Variants in OR1B1 observed in about 807,000 individuals in gnomAD.
OR1B1 encodes olfactory receptor family 1 subfamily B member 1, also known as olfactory receptor 1B1.
For synonymous variants in OR1B1, 168 were observed against 156.2 expected (o/e 1.08, Z -0.57); for missense variants, 414 against 402.1 (o/e 1.03, Z -0.25).
At chr9:122,642,152 G>A in the OR1B1 span, among the ~76,000 whole-genome samples, 1 of 152,048 alleles carries the variant, frequency 6.6e-6, no homozygotes, top group African/African-American at 2.4e-5. Context: ...GGAACAGAAA[G>A]GAGAAAGGAT....
chr9:122,657,213 A>G, the OR1B1 span, among the ~76,000 whole-genome samples: 2 of 151,774 alleles, frequency 1.3e-5, no homozygotes, highest in Admixed American at 1.3e-4. Flanking sequence ...AATAATAAAA[A>G]TACAAATAAT....
chr9:122,637,756 T>C, the OR1B1 span, among the ~76,000 whole-genome samples: 1 of 152,200 alleles, frequency 6.6e-6, no homozygotes, highest in Non-Finnish European at 1.5e-5. Context: ...GAGAATTTAA[T>C]CTCTGTGAGG....
chr9:122,637,019 T>C, the OR1B1 span: 1 of 152,362 alleles, frequency 6.6e-6, no homozygotes, highest in Non-Finnish European at 1.5e-5. Flanking sequence ...TTGAAAAGTC[T>C]CATTTTTAGG....
the OR1B1 span, among the ~76,000 whole-genome samples, chr9:122,636,401 G>A: frequency 3.4e-3 from 514 of 152,342 alleles, 4 homozygotes; most frequent in Middle Eastern, 0.01. Flanking sequence ...GATCACCTGA[G>A]GTCAGGAGTT....
chr9:122,630,941 C>T (rs1298199588), upstream of OR1B1, among the ~76,000 whole-genome samples: 1 of 152,064 alleles, frequency 6.6e-6, no homozygotes, highest in Admixed American at 6.5e-5. Context: ...CTCCTGATCT[C>T]GTGATCCAAC....
At chr9:122,630,654 C>A (rs536849436), upstream of OR1B1, among the ~76,000 whole-genome samples, 5 of 152,182 alleles carry the variant, frequency 3.3e-5, no homozygotes, top group South Asian at 4.1e-4. Context: ...ATTATTAGTA[C>A]CTAACTTCTC....
At chr9:122,645,577 T>C in the OR1B1 span, among the ~76,000 whole-genome samples, 1 of 152,160 alleles carries the variant, frequency 6.6e-6, no homozygotes, top group Non-Finnish European at 1.5e-5. Context: ...CCAATGCAAC[T>C]GGCAGAAGAC....
chr9:122,643,857 G>A, the OR1B1 span, among the ~76,000 whole-genome samples: 1 of 152,166 alleles, frequency 6.6e-6, no homozygotes, highest in Non-Finnish European at 1.5e-5. Flanking sequence ...CATATCCTTG[G>A]CCAAAAGGGA....
chr9:122,650,814 G>A, the OR1B1 span, among the ~76,000 whole-genome samples: 12 of 152,174 alleles, frequency 7.9e-5, no homozygotes, highest in South Asian at 1.7e-3. Flanking sequence ...ACGAGGTCAG[G>A]AGATCGAGAC....
upstream of OR1B1, among the ~76,000 whole-genome samples, chr9:122,632,280 A>T (rs1830210261): frequency 6.6e-6 from 1 of 151,970 alleles, no homozygotes. Flanking sequence ...AATAAAGATT[A>T]TAAGAAAGAA....
chr9:122,641,403 T>C, the OR1B1 span, among the ~76,000 whole-genome samples: 3 of 152,138 alleles, frequency 2.0e-5, no homozygotes, highest in African/African-American at 7.2e-5. Flanking sequence ...CAAGAGATAA[T>C]TGAAAGTCAC....
At chr9:122,634,022 G>A (rs1830230757), upstream of OR1B1, among the ~76,000 whole-genome samples, 1 of 150,200 alleles carries the variant, frequency 6.7e-6, no homozygotes, top group Non-Finnish European at 1.5e-5. Context: ...GACCAACATG[G>A]AGAAACCTCG....
downstream of OR1B1, among the ~76,000 whole-genome samples, chr9:122,628,402 G>A (rs1202981312): frequency 6.6e-6 from 1 of 152,152 alleles, no homozygotes; most frequent in Non-Finnish European, 1.5e-5. Flanking sequence ...CTGATCTTAT[G>A]TGTCTATGAA....
chr9:122,640,510 A>G, the OR1B1 span, among the ~76,000 whole-genome samples: 3 of 152,214 alleles, frequency 2.0e-5, no homozygotes. Context: ...AAGGAGACAG[A>G]AGAAAAGTCA....
chr9:122,644,094 A>G, the OR1B1 span, among the ~76,000 whole-genome samples: 5 of 152,126 alleles, frequency 3.3e-5, no homozygotes, highest in South Asian at 8.3e-4. Flanking sequence ...AGTAAATGGG[A>G]CTTTGTCTTG....
At chr9:122,632,037 G>A (rs772458320), upstream of OR1B1, among the ~76,000 whole-genome samples, 5 of 152,160 alleles carry the variant, frequency 3.3e-5, no homozygotes, top group Non-Finnish European at 5.9e-5. Context: ...CCTTTTAGAA[G>A]TGAACATAAA....
At chr9:122,629,352 A>C in exon 1 of OR1B1, 1 of 1,614,154 alleles carries the variant, frequency 6.2e-7, no homozygotes, top group African/African-American at 1.3e-5. Context: ...AGCAGATAAT[A>C]CATGGGTGAG....
the OR1B1 span, among the ~76,000 whole-genome samples, chr9:122,651,668 C>G: frequency 1.3e-5 from 2 of 152,164 alleles, no homozygotes; most frequent in African/African-American, 4.8e-5. Context: ...TTTCACTTTT[C>G]TGGACTTACT....
upstream of OR1B1, among the ~76,000 whole-genome samples, chr9:122,631,840 A>G (rs1830206896): frequency 6.6e-6 from 1 of 152,190 alleles, no homozygotes; most frequent in Non-Finnish European, 1.5e-5. Context: ...GTGAGAACAA[A>G]TGAAAATTCA....
Sources: gnomAD v4.1 joint callset for allele counts (sites outside exome capture counted in the v4.1 genomes callset) on GRCh38, gnomAD v4.1.1 for gene constraint, MANE v1.5 for transcripts, NCBI Gene and HGNC (gene_info 2026-07-23, HGNC 2026-07-21) for gene names.